The following CDK8 variants were observed in gnomAD, a reference collection of about 807,000 sequenced individuals.
CDK8 encodes the protein cyclin-dependent kinase 8.
A neutral mutation model predicts 71.5 loss-of-function variants in CDK8; 29 were observed. The observed-to-expected ratio is 0.41, with a 90% confidence interval of 0.30 to 0.55. CDK8 has a LOEUF of 0.55. CDK8 is among the 20% of genes least tolerant of loss of function. The pLI is 0.37. For missense variants in CDK8, 288 were observed against 572.6 expected (o/e 0.50, Z 5.07); for synonymous variants, 161 against 192.1 (o/e 0.84, Z 1.34).
chr13:26,402,736 A>T (rs912787701), intron 12 of CDK8, among the ~76,000 whole-genome samples: 1 of 152,188 alleles, frequency 6.6e-6, no homozygotes, highest in Non-Finnish European at 1.5e-5. Context: ...CTCTTGGCCC[A>T]CAAATGTGTT....
chr13:26,301,515 G>A (rs1359679122), intron 1 of CDK8, among the ~76,000 whole-genome samples: 1 of 152,144 alleles, frequency 6.6e-6, no homozygotes. Flanking sequence ...GTGGTATGTG[G>A]GGGATGTCTG....
intron 1 of CDK8, among the ~76,000 whole-genome samples, chr13:26,303,458 G>A (rs1436532266): frequency 6.6e-6 from 1 of 151,994 alleles, no homozygotes; most frequent in African/African-American, 2.4e-5. Flanking sequence ...CTGCCAGTAC[G>A]CCTGGCTAAT....
intron 3 of CDK8, 106 bp from the exon 4 acceptor site, chr13:26,353,634 T>C: frequency 1.2e-6 from 1 of 860,328 alleles, no homozygotes; most frequent in Non-Finnish European, 1.8e-6. Context: ...ATTTTCAATA[T>C]CTATGGGAAT....
intron 4 of CDK8, among the ~76,000 whole-genome samples, chr13:26,356,564 T>C (rs1470748035): frequency 6.6e-6 from 1 of 152,202 alleles, no homozygotes; most frequent in African/African-American, 2.4e-5. Context: ...TGCCCACCTT[T>C]CAAATTCTTC....
At chr13:26,340,229 T>A (rs1472948270) in intron 2 of CDK8, among the ~76,000 whole-genome samples, 1 of 152,196 alleles carries the variant, frequency 6.6e-6, no homozygotes, top group Non-Finnish European at 1.5e-5. Context: ...AAATTTTTCC[T>A]TTTATCTATG....
intron 2 of CDK8, among the ~76,000 whole-genome samples, chr13:26,341,928 A>AT (rs1219277029): frequency 3.5e-4 from 52 of 148,488 alleles, no homozygotes; most frequent in Admixed American, 4.0e-4. Context: ...TCTGTTTTCA[A>AT]TTTTTTTTTT....
intron 1 of CDK8, among the ~76,000 whole-genome samples, chr13:26,314,882 C>CA (rs1349008056): frequency 6.6e-6 from 1 of 151,970 alleles, no homozygotes; most frequent in Admixed American, 6.6e-5. Context: ...GTCTTTTATA[C>CA]AATATTTGTC....
chr13:26,268,962 C>T (rs1872169820), intron 1 of CDK8, among the ~76,000 whole-genome samples: 1 of 152,134 alleles, frequency 6.6e-6, no homozygotes, highest in Admixed American at 6.5e-5. Flanking sequence ...TTTCCTTTCT[C>T]CTCACTTTTT....
At chr13:26,296,320 C>T (rs188354196) in intron 1 of CDK8, among the ~76,000 whole-genome samples, 2 of 152,260 alleles carry the variant, frequency 1.3e-5, no homozygotes, top group East Asian at 3.9e-4. Flanking sequence ...TTTCACAAAC[C>T]TTTTGGACAA....
At chr13:26,386,696 TATC>T (rs1318776786) in intron 6 of CDK8, among the ~76,000 whole-genome samples, 1 of 152,230 alleles carries the variant, frequency 6.6e-6, no homozygotes, top group Non-Finnish European at 1.5e-5. Flanking sequence ...TGCTGGTCGG[TATC>T]ATACTTGCTA....
chr13:26,387,385 A>G (rs1169776936), intron 6 of CDK8, among the ~76,000 whole-genome samples: 2 of 152,144 alleles, frequency 1.3e-5, no homozygotes, highest in Non-Finnish European at 2.9e-5. Flanking sequence ...CTGCTTGAGA[A>G]CTTTGTATAA....
chr13:26,262,390 ATG>A (rs10556354), intron 1 of CDK8, among the ~76,000 whole-genome samples: 27,194 of 151,388 alleles, frequency 0.18, 4,425 homozygotes, highest in African/African-American at 0.44. Flanking sequence ...ACTTTTGTGT[ATG>A]TGTGTGTGTG....
At chr13:26,368,887 T>A (rs926094075) in intron 4 of CDK8, among the ~76,000 whole-genome samples, 1 of 152,234 alleles carries the variant, frequency 6.6e-6, no homozygotes, top group African/African-American at 2.4e-5. Context: ...TATTGTTTTC[T>A]TTTGTTTTTA....
intron 4 of CDK8, among the ~76,000 whole-genome samples, chr13:26,355,000 T>A (rs1873834156): frequency 6.6e-6 from 1 of 152,216 alleles, no homozygotes; most frequent in African/African-American, 2.4e-5. Flanking sequence ...GTGATTATTT[T>A]GTCTCTAATC....
chr13:26,361,832 G>A (rs1363979309), intron 4 of CDK8, among the ~76,000 whole-genome samples: 1 of 98,374 alleles, frequency 1.0e-5, no homozygotes, highest in Non-Finnish European at 1.8e-5. Flanking sequence ...GTGTCACTGT[G>A]TTGCCCAGGC....
chr13:26,324,288 A>G (rs1874923897), intron 1 of CDK8, among the ~76,000 whole-genome samples: 1 of 152,034 alleles, frequency 6.6e-6, no homozygotes. Flanking sequence ...ATCTCATCTT[A>G]TTTTTTCAAC....
intron 1 of CDK8, among the ~76,000 whole-genome samples, chr13:26,322,126 C>T (rs1292749121): frequency 2.0e-5 from 3 of 151,898 alleles, no homozygotes; most frequent in East Asian, 1.9e-4. Context: ...TTTGGTGTTC[C>T]GGAAAGTTAG....
intron 2 of CDK8, among the ~76,000 whole-genome samples, chr13:26,345,086 T>G (rs1873408221): frequency 6.6e-6 from 1 of 152,154 alleles, no homozygotes; most frequent in African/African-American, 2.4e-5. Context: ...ATTATGAAGG[T>G]TGTGTGTCAC....
At chr13:26,388,821 T>A (rs1360411919) in intron 6 of CDK8, among the ~76,000 whole-genome samples, 1 of 152,222 alleles carries the variant, frequency 6.6e-6, no homozygotes. Flanking sequence ...CTGTATGATT[T>A]GGGAGAGAGG....
Sources: allele counts gnomAD v4.1 joint callset (sites outside exome capture counted in the v4.1 genomes callset), GRCh38; gene constraint gnomAD v4.1.1; transcripts MANE v1.5; gene names NCBI Gene and HGNC (gene_info 2026-07-23, HGNC 2026-07-21).